Variants in SLC24A2 observed in about 807,000 individuals in gnomAD.
The protein encoded by SLC24A2 is sodium/potassium/calcium exchanger 2.
SLC24A2 carries 36 observed loss-of-function variants against 62.0 expected under a neutral mutation model. The ratio of observed to expected loss-of-function variants is 0.58; its 90% CI spans 0.44 to 0.77. The LOEUF is 0.77. Ranked by LOEUF, SLC24A2 falls within the 30% of genes least tolerant of loss-of-function variation. SLC24A2 has a pLI of 0.00. For missense variants in SLC24A2, 846 were observed against 817.9 expected (o/e 1.03, Z -0.42); for synonymous variants, 358 against 294.0 (o/e 1.22, Z -2.23).
intron 2 of SLC24A2, among the ~76,000 whole-genome samples, chr9:19,758,409 T>C (rs376347733): frequency 6.6e-6 from 1 of 152,206 alleles, no homozygotes; most frequent in Admixed American, 6.5e-5. Context: ...AGCCCTTCTC[T>C]GGAGCAGGAA....
chr9:19,913,986 C>G, the SLC24A2 span, among the ~76,000 whole-genome samples: 2 of 152,178 alleles, frequency 1.3e-5, no homozygotes, highest in African/African-American at 2.4e-5. Context: ...AACCTACAAT[C>G]TTGATCAGCG....
chr9:20,270,855 C>T, the SLC24A2 span, among the ~76,000 whole-genome samples: 2 of 152,136 alleles, frequency 1.3e-5, no homozygotes, highest in Non-Finnish European at 2.9e-5. Flanking sequence ...GAATATTTTT[C>T]AGAAAGCATT....
chr9:20,205,372 G>T, the SLC24A2 span, among the ~76,000 whole-genome samples: 1 of 152,046 alleles, frequency 6.6e-6, no homozygotes, highest in Non-Finnish European at 1.5e-5. Flanking sequence ...GGTTAGGCCG[G>T]GCGCAATGGT....
intron 2 of SLC24A2, among the ~76,000 whole-genome samples, chr9:19,776,988 C>T (rs780321635): frequency 1.3e-5 from 2 of 152,174 alleles, no homozygotes; most frequent in Admixed American, 1.3e-4. Context: ...CTGAAAACTT[C>T]ATTTCCCAAA....
chr9:20,216,849 C>T, the SLC24A2 span, among the ~76,000 whole-genome samples: 2 of 151,996 alleles, frequency 1.3e-5, no homozygotes, highest in East Asian at 1.9e-4. Context: ...TTAATAGTCA[C>T]GATTGGTTGT....
At chr9:19,795,793 TTAA>T in the SLC24A2 span, among the ~76,000 whole-genome samples, 1 of 152,138 alleles carries the variant, frequency 6.6e-6, no homozygotes, top group African/African-American at 2.4e-5. Context: ...TTGGAATACA[TTAA>T]TAGCCACCAT....
the SLC24A2 span, among the ~76,000 whole-genome samples, chr9:20,097,150 T>C: frequency 6.6e-6 from 1 of 152,150 alleles, no homozygotes; most frequent in South Asian, 2.1e-4. Context: ...CTATGAGAAT[T>C]AGCTCTGCCA....
chr9:20,288,463 C>T, the SLC24A2 span, among the ~76,000 whole-genome samples: 1 of 152,028 alleles, frequency 6.6e-6, no homozygotes, highest in African/African-American at 2.4e-5. Context: ...GTAACTTCTC[C>T]AAACTATAGA....
At chr9:20,110,746 C>G in the SLC24A2 span, among the ~76,000 whole-genome samples, 1 of 152,108 alleles carries the variant, frequency 6.6e-6, no homozygotes, top group African/African-American at 2.4e-5. Context: ...AATGAAAATT[C>G]ATTTTGCATC....
chr9:19,531,695 C>T (rs1296242741), intron 8 of SLC24A2, among the ~76,000 whole-genome samples: 1 of 119,426 alleles, frequency 8.4e-6, no homozygotes, highest in Admixed American at 9.0e-5. Flanking sequence ...AACAAAGACC[C>T]CCCCCCACCC....
the SLC24A2 span, among the ~76,000 whole-genome samples, chr9:20,128,312 G>A: frequency 6.6e-6 from 1 of 152,060 alleles, no homozygotes; most frequent in African/African-American, 2.4e-5. Flanking sequence ...TGCCAGATGA[G>A]AGACACAGGC....
the SLC24A2 span, among the ~76,000 whole-genome samples, chr9:20,273,225 G>C: frequency 2.9e-3 from 447 of 152,276 alleles, no homozygotes; most frequent in Non-Finnish European, 4.3e-3. Flanking sequence ...CTCAGACACT[G>C]CCCCACCTTT....
chr9:19,919,247 G>C, the SLC24A2 span, among the ~76,000 whole-genome samples: 707 of 152,234 alleles, frequency 4.6e-3, 6 homozygotes, highest in African/African-American at 0.016. Flanking sequence ...CAGGCCCAGA[G>C]ATGCACTTAG....
chr9:19,977,508 A>G, the SLC24A2 span, among the ~76,000 whole-genome samples: 3 of 152,114 alleles, frequency 2.0e-5, no homozygotes, highest in African/African-American at 7.2e-5. Flanking sequence ...CAAGGTCAGA[A>G]GGGGATGATG....
chr9:20,274,000 G>T, the SLC24A2 span, among the ~76,000 whole-genome samples: 3 of 152,164 alleles, frequency 2.0e-5, no homozygotes, highest in Non-Finnish European at 4.4e-5. Context: ...ATGAGAGAAA[G>T]ATATGACTTT....
At chr9:19,724,594 T>G (rs117954614) in intron 2 of SLC24A2, among the ~76,000 whole-genome samples, 4,857 of 152,214 alleles carry the variant, frequency 0.032, 116 homozygotes, top group Admixed American at 0.045. Context: ...TACTTCCTTT[T>G]CAGTAAAATA....
the SLC24A2 span, among the ~76,000 whole-genome samples, chr9:20,260,990 G>T: frequency 7.9e-5 from 12 of 151,640 alleles, no homozygotes; most frequent in Admixed American, 7.9e-4. Flanking sequence ...CGAGTACCTG[G>T]GACTACAGGC....
At chr9:19,560,115 T>G (rs1221947687) in intron 7 of SLC24A2, among the ~76,000 whole-genome samples, 2 of 152,158 alleles carry the variant, frequency 1.3e-5, no homozygotes, top group African/African-American at 2.4e-5. Context: ...CTAAGGGCTC[T>G]AAGGCTGAGG....
chr9:20,235,547 C>T, the SLC24A2 span, among the ~76,000 whole-genome samples: 1 of 152,248 alleles, frequency 6.6e-6, no homozygotes, highest in Non-Finnish European at 1.5e-5. Context: ...GGGATATAAT[C>T]TCCTGGTGTG....
Sources: allele counts gnomAD v4.1 joint callset (sites outside exome capture counted in the v4.1 genomes callset), GRCh38; gene constraint gnomAD v4.1.1; transcripts MANE v1.5; gene names NCBI Gene and HGNC (gene_info 2026-07-23, HGNC 2026-07-21).